Variants in YWHAB observed in about 807,000 individuals in gnomAD.
YWHAB encodes the protein 14-3-3 protein beta/alpha.
YWHAB carries 2 observed loss-of-function variants against 28.5 expected under a neutral mutation model. That is an observed-to-expected ratio of 0.07 (90% CI 0.03 to 0.22). YWHAB has a LOEUF of 0.22. YWHAB is among the 10% of genes least tolerant of loss of function. The pLI is 1.00. For synonymous variants in YWHAB, 103 were observed against 104.7 expected (o/e 0.98, Z 0.10); for missense variants, 148 against 297.1 (o/e 0.50, Z 3.69).
chr20:44,903,903 T>G, intron 2 of YWHAB, 90 bp from the exon 3 acceptor site: 1 of 1,441,090 alleles, frequency 6.9e-7, no homozygotes, highest in South Asian at 1.3e-5. Flanking sequence ...CAAAAAATTA[T>G]TTAGAAGCAG....
At chr20:44,906,274 A>C in intron 5 of YWHAB, 108 bp from the exon 6 acceptor site, 1 of 1,281,424 alleles carries the variant, frequency 7.8e-7, no homozygotes, top group Non-Finnish European at 1.1e-6. Flanking sequence ...CTGCAGTGAC[A>C]CAGGAATAAT....
At chr20:44,897,657 T>C (rs1250635924) in intron 1 of YWHAB, among the ~76,000 whole-genome samples, 1 of 152,132 alleles carries the variant, frequency 6.6e-6, no homozygotes, top group Non-Finnish European at 1.5e-5. Flanking sequence ...TGAAGATACT[T>C]GTTTATTTTG....
intron 2 of YWHAB, chr20:44,902,618 C>T (rs896841956): frequency 6.6e-6 from 1 of 152,220 alleles, no homozygotes; most frequent in African/African-American, 2.4e-5. Context: ...CTGCCCATGA[C>T]TCCTTTCTTT....
intron 2 of YWHAB, 199 bp downstream of exon 2, chr20:44,902,032 CTGAGA>C (rs1601096617): frequency 2.0e-6 from 1 of 506,956 alleles, no homozygotes; most frequent in East Asian, 3.2e-5. Flanking sequence ...TACATCACTT[CTGAGA>C]TACTTTCCTC....
Position 44,898,020 on chromosome 20 carries a change from G to T in YWHAB, c.-3-3511G>T, listed in dbSNP as rs78512472. ...CTGCTGTGAGGGAAAAGAGCCTGGG[G>T]AGGCACACGTAGGATATTCACAGTG... is the stretch of plus-strand genomic sequence containing the variant. On this transcript the variant is annotated intron_variant, in intron 1 of 5. Coordinates refer to ENST00000353703, the MANE Select transcript of YWHAB (RefSeq NM_139323.4). Among the ~76,000 whole-genome samples, 740 of 152,210 alleles carry T rather than the reference G, an allele frequency of 4.9e-3. 6 individuals are homozygous for T. Among genetic ancestry groups the T allele is most frequent in the African/African-American group, 0.016 (681 of 41,548 alleles).
At position 44,907,807 on chromosome 20, in the gene YWHAB, C is replaced by G. The variant is rs985081926; in HGVS notation, c.*1369C>G. 2.0e-5 allele frequency: 3 copies of G among 152,216 alleles called. No individual in the cohort carries two copies. The highest frequency in any genetic ancestry group is 6.5e-5 in the Admixed American group (1 of 15,284). The allele number at this position is 152,216 out of a possible 1,614,324, so 9.4% of individuals were successfully genotyped here. ...ACCAGAACCCTGTCTTCCTCCAGTTCTCAACACGGTGTTGCTCTTCAGTCA... is the reference window on the plus strand; with the variant it reads ...ACCAGAACCCTGTCTTCCTCCAGTTGTCAACACGGTGTTGCTCTTCAGTCA... On this transcript the variant is annotated 3_prime_UTR_variant, in exon 6 of 6. Transcript: ENST00000353703.
At chr20:44,901,001 C>T (rs576533970) in intron 1 of YWHAB, among the ~76,000 whole-genome samples, 35 of 152,284 alleles carry the variant, frequency 2.3e-4, no homozygotes, top group Non-Finnish European at 4.9e-4. Flanking sequence ...GTCTCGAACT[C>T]CTGACCTCGT....
chr20:44,891,152 T>C (rs1268232473), intron 1 of YWHAB, among the ~76,000 whole-genome samples: 1 of 152,048 alleles, frequency 6.6e-6, no homozygotes, highest in Non-Finnish European at 1.5e-5. Context: ...AGAGTCTTGC[T>C]CTGTCGCCTA....
In YWHAB at chr20:44,900,856, A is replaced by G. The variant is rs538460826; in HGVS notation, c.-3-675A>G. 3.9e-5 allele frequency among the ~76,000 whole-genome samples: 6 copies of G among 152,094 alleles called. No homozygotes were observed. The East Asian group carries it at 9.7e-4, about 24-fold the overall frequency. On this transcript the variant is annotated intron_variant, in intron 1 of 5. Coordinates refer to ENST00000353703, the MANE Select transcript of YWHAB (RefSeq NM_139323.4). ...AGTGGCGTGATCTCGGCCCACTGCA[A>G]CCTCTGCCTTTTGGTTTCAAGCGAT...
chr20:44,893,033 T>A (rs374294974), intron 1 of YWHAB, among the ~76,000 whole-genome samples: 2 of 152,328 alleles, frequency 1.3e-5, no homozygotes, highest in African/African-American at 4.8e-5. Context: ...ACAGCTGTCA[T>A]TTTCAACCCT....
chr20:44,903,911 C>A, intron 2 of YWHAB, 82 bp from the exon 3 acceptor site: 3 of 1,461,956 alleles, frequency 2.1e-6, no homozygotes, highest in South Asian at 2.5e-5. Flanking sequence ...TATTTAGAAG[C>A]AGTAGTGTAT....
At chr20:44,894,356 CAAAT>C (rs1437290762) in intron 1 of YWHAB, among the ~76,000 whole-genome samples, 5 of 152,216 alleles carry the variant, frequency 3.3e-5, no homozygotes, top group South Asian at 2.1e-4. Flanking sequence ...TTTTAGGAGA[CAAAT>C]AAAGAGTATC....
At position 44,893,132 on chromosome 20, in the gene YWHAB, T is replaced by C. The variant is rs894361059; in HGVS notation, c.-4+7246T>C. ...TTTTCTTTCTTTCTTTTTTGATTCT[T>C]CTCCTAGGATATCTGCTCTAGCCAC... On this transcript the variant is annotated intron_variant, in intron 1 of 5. Coordinates refer to ENST00000353703, the MANE Select transcript of YWHAB (RefSeq NM_139323.4). Among the ~76,000 whole-genome samples the C allele has an allele frequency of 7.2e-5, 11 of 152,290 alleles. No homozygotes were observed. The South Asian group carries it at 2.3e-3, about 32-fold the overall frequency.
intron 3 of YWHAB, among the ~76,000 whole-genome samples, chr20:44,904,719 G>A (rs1232614555): frequency 6.6e-6 from 1 of 152,156 alleles, no homozygotes; most frequent in African/African-American, 2.4e-5. Flanking sequence ...ATTGTTAAAG[G>A]TTATAGCTGT....
chr20:44,901,501 CTCTT>C (rs777010310), intron 1 of YWHAB, 26 bp from the exon 2 acceptor site: 24 of 1,550,036 alleles, frequency 1.5e-5, no homozygotes, highest in Non-Finnish European at 2.1e-5. Flanking sequence ...CTGACATTTG[CTCTT>C]TCTTTTTCTC....
intron 5 of YWHAB, 128 bp downstream of exon 5, chr20:44,906,224 A>G (rs2066655138): frequency 8.8e-7 from 1 of 1,134,438 alleles, no homozygotes; most frequent in East Asian, 2.4e-5. Context: ...AATTTGTTAT[A>G]AATGACTGCT....
Position 44,906,456 on chromosome 20 carries a change from G to T in YWHAB, c.*18G>T. The T allele has an allele frequency of 6.4e-7, 1 of 1,559,502 alleles. No individual in the cohort carries two copies. The highest frequency in any genetic ancestry group is 1.1e-5 in the South Asian group (1 of 90,036). On this transcript the variant is annotated 3_prime_UTR_variant, in exon 6 of 6. Transcript: ENST00000353703. ...AGAACTAATGTTTCTCGTGCTTTGTGATCTGTTCAGTGTCACTCTGTACCC... is the reference window on the plus strand; with the variant it reads ...AGAACTAATGTTTCTCGTGCTTTGTTATCTGTTCAGTGTCACTCTGTACCC...
chr20:44,894,186 C>A (rs902706299), intron 1 of YWHAB, among the ~76,000 whole-genome samples: 1 of 152,174 alleles, frequency 6.6e-6, no homozygotes, highest in Non-Finnish European at 1.5e-5. Flanking sequence ...TTCTCAAGCA[C>A]GTCAGTCTCT....
At chr20:44,899,951 G>A (rs2066617180) in intron 1 of YWHAB, among the ~76,000 whole-genome samples, 1 of 152,114 alleles carries the variant, frequency 6.6e-6, no homozygotes, top group Non-Finnish European at 1.5e-5. Flanking sequence ...ATTAGTGCCT[G>A]ATATTTTTAT....
Sources: allele counts gnomAD v4.1 joint callset (sites outside exome capture counted in the v4.1 genomes callset), GRCh38; gene constraint gnomAD v4.1.1; transcripts MANE v1.5; gene names NCBI Gene and HGNC (gene_info 2026-07-23, HGNC 2026-07-21).